CNGB3: variants seen among roughly 807,000 people sequenced by gnomAD.
The protein encoded by CNGB3 is cyclic nucleotide gated channel subunit beta 3, also known as cyclic nucleotide-gated channel beta-3.
In CNGB3, 86 loss-of-function variants were observed where a neutral mutation model predicts 92.8. That is an observed-to-expected ratio of 0.93 (90% CI 0.78 to 1.11). The LOEUF is 1.11. CNGB3 is among the 50% of genes least tolerant of loss of function. The pLI, the probability that CNGB3 is intolerant of heterozygous loss-of-function variation, is 0.00. For synonymous variants in CNGB3, 333 were observed against 332.7 expected (o/e 1.00, Z -0.01); for missense variants, 1,026 against 956.8 (o/e 1.07, Z -0.95).
At position 86,659,266 on chromosome 8, in the gene CNGB3, G is replaced by C. The variant is rs916697393; in HGVS notation, c.853-5204C>G. On this transcript the variant is annotated intron_variant, in intron 6 of 17. Transcript: ENST00000320005. ...GTATATTGGTCTTTCTCCATCTGTA[G>C]CTGTTTCAGCAACTCCATAACCTGC... 5.0e-6 allele frequency: 4 copies of C among 794,484 alleles called. No individual in the cohort carries two copies. In the Admixed American group the frequency reaches 5.2e-5, roughly 10 times the overall value. 49.2% of individuals were successfully genotyped at this position (794,484 alleles called of 1,614,324 possible). A position where few individuals can be genotyped will look rare whatever the true frequency, so the allele number is the denominator to read the frequency against.
intron 2 of CNGB3, among the ~76,000 whole-genome samples, chr8:86,737,540 A>T (rs1825268776): frequency 6.6e-6 from 1 of 152,146 alleles, no homozygotes; most frequent in South Asian, 2.1e-4. Flanking sequence ...AGCATTTCCA[A>T]ATTAAAGTAA....
intron 7 of CNGB3, among the ~76,000 whole-genome samples, chr8:86,651,822 T>C (rs979634077): frequency 7.2e-5 from 11 of 151,994 alleles, no homozygotes; most frequent in African/African-American, 2.7e-4. Flanking sequence ...TAAGATATTG[T>C]TTCTATTCAC....
chr8:86,593,183 G>A (rs374888129), intron 15 of CNGB3, among the ~76,000 whole-genome samples: 1 of 152,268 alleles, frequency 6.6e-6, no homozygotes, highest in Admixed American at 6.5e-5. Flanking sequence ...CCCTTAGCAG[G>A]TCTTGATTTC....
chr8:86,632,365 T>A (rs1398846757), intron 11 of CNGB3, among the ~76,000 whole-genome samples: 1 of 152,186 alleles, frequency 6.6e-6, no homozygotes, highest in Non-Finnish European at 1.5e-5. Context: ...TTATTTTATA[T>A]GGCATTTTGT....
intron 2 of CNGB3, among the ~76,000 whole-genome samples, chr8:86,726,982 A>G (rs1825071098): frequency 6.6e-6 from 1 of 152,204 alleles, no homozygotes; most frequent in Non-Finnish European, 1.5e-5. Context: ...ATAGCCTACC[A>G]CACACCAAGG....
intron 3 of CNGB3, among the ~76,000 whole-genome samples, chr8:86,715,630 A>G (rs1200840829): frequency 6.6e-6 from 1 of 152,162 alleles, no homozygotes; most frequent in Non-Finnish European, 1.5e-5. Context: ...CTCACCAGCA[A>G]TGGATCTAAA....
rs1563733925 is a variant in CNGB3, at chr8:86,632,640, CA to C, written c.1320+111del. On this transcript the variant is annotated intron_variant, in intron 11 of 17. Transcript: ENST00000320005. ...TCATTAAAATAGAAGAAAGTTAGTT[CA>C]AAAAAAGAAGAACCAGACAGATTTT... is the stretch of plus-strand genomic sequence containing the variant. 8 of 1,154,258 alleles carry C rather than the reference CA, an allele frequency of 6.9e-6. No individual in the cohort carries two copies. In the East Asian group the frequency reaches 1.2e-4, roughly 17 times the overall value. The allele number at this position is 1,154,258 out of a possible 1,614,324, so 71.5% of individuals were successfully genotyped here.
chr8:86,671,936 C>T (rs967739474), intron 3 of CNGB3, among the ~76,000 whole-genome samples: 2 of 152,232 alleles, frequency 1.3e-5, no homozygotes, highest in East Asian at 3.9e-4. Flanking sequence ...TGATTTGGAC[C>T]CATTTGCTAA....
chr8:86,663,191 G>C (rs1404377840), intron 6 of CNGB3, among the ~76,000 whole-genome samples: 1 of 152,134 alleles, frequency 6.6e-6, no homozygotes, highest in Non-Finnish European at 1.5e-5. Flanking sequence ...TGATTATAAA[G>C]GAAGGCCTAA....
At chr8:86,739,170 C>T (rs1372658163) in intron 2 of CNGB3, among the ~76,000 whole-genome samples, 5 of 151,984 alleles carry the variant, frequency 3.3e-5, no homozygotes, top group Non-Finnish European at 7.4e-5. Flanking sequence ...CCTGTAGAAT[C>T]GAGTGTGGTA....
intron 3 of CNGB3, among the ~76,000 whole-genome samples, chr8:86,713,540 A>T (rs1824790098): frequency 6.6e-6 from 1 of 152,182 alleles, no homozygotes. Context: ...TCCTAAATGA[A>T]TTTTTAAATC....
intron 8 of CNGB3, among the ~76,000 whole-genome samples, chr8:86,646,125 T>A (rs893001039): frequency 3.3e-5 from 5 of 151,106 alleles, no homozygotes; most frequent in African/African-American, 1.2e-4. Context: ...CCTAAATCTA[T>A]AGAAACCTGA....
intron 13 of CNGB3, among the ~76,000 whole-genome samples, chr8:86,624,309 C>G (rs1185501701): frequency 1.3e-5 from 2 of 152,142 alleles, no homozygotes; most frequent in Admixed American, 1.3e-4. Context: ...ATCCCAGCTA[C>G]TTGGGAGGCT....
At chr8:86,654,486 G>A (rs1052949168) in intron 6 of CNGB3, among the ~76,000 whole-genome samples, 4 of 152,058 alleles carry the variant, frequency 2.6e-5, no homozygotes, top group Non-Finnish European at 5.9e-5. Context: ...GAAATGACAC[G>A]TATACTGCTT....
At chr8:86,729,455 C>A in intron 2 of CNGB3, among the ~76,000 whole-genome samples, 1 of 152,158 alleles carries the variant, frequency 6.6e-6, no homozygotes, top group East Asian at 1.9e-4. Context: ...TATTACCAAG[C>A]CTTTCTAAAT....
Position 86,674,275 on chromosome 8 carries a change from A to T in CNGB3, c.339-3177T>A, listed in dbSNP as rs1823921472. On this transcript the variant is annotated intron_variant, in intron 3 of 17. Transcript: ENST00000320005. The stretch of plus-strand genomic sequence containing the variant: ...TTGACCATATAATTGCCATTTAGTT[A>T]TATTACTTTGTAGTGTGCAAACCCA... 2.0e-5 allele frequency among the ~76,000 whole-genome samples: 3 copies of T among 152,238 alleles called. No individual in the cohort carries two copies. In the South Asian group the frequency reaches 6.2e-4, roughly 31 times the overall value.
rs1243405430 is a variant in CNGB3, at chr8:86,658,257, GC to G, written c.853-4196del. ...CCATGCCTGCTCCTCCTCGGCACTG[GC>G]CACAGCTGAGTTTAAAAATGCCACC... On this transcript the variant is annotated intron_variant, in intron 6 of 17. Coordinates refer to ENST00000320005, the MANE Select transcript of CNGB3 (RefSeq NM_019098.5). 3 of 532,574 alleles carry G rather than the reference GC, an allele frequency of 5.6e-6. No individual in the cohort carries two copies. The African/African-American group carries it at 5.8e-5, about 10-fold the overall frequency. 33.0% of individuals were successfully genotyped at this position (532,574 alleles called of 1,614,324 possible). A position where few individuals can be genotyped will look rare whatever the true frequency, so the allele number is the denominator to read the frequency against.
intron 6 of CNGB3, chr8:86,657,712 C>T (rs981103094): frequency 8.8e-6 from 4 of 453,014 alleles, no homozygotes; most frequent in South Asian, 5.1e-5. Flanking sequence ...TGGTTGCCCA[C>T]AAGCCGCAAC....
chr8:86,698,852 A>G (rs1226206187), intron 3 of CNGB3, among the ~76,000 whole-genome samples: 2 of 152,170 alleles, frequency 1.3e-5, no homozygotes, highest in Non-Finnish European at 2.9e-5. Context: ...TTCACAATTT[A>G]ACACAGGATC....
Sources: allele counts gnomAD v4.1 joint callset (sites outside exome capture counted in the v4.1 genomes callset), GRCh38; gene constraint gnomAD v4.1.1; transcripts MANE v1.5; gene names NCBI Gene and HGNC (gene_info 2026-07-23, HGNC 2026-07-21).